The following VPS36 variants were observed in gnomAD, a reference collection of about 807,000 sequenced individuals.
VPS36 encodes the protein vacuolar protein sorting 36 homolog.
Under a neutral mutation model 63.5 loss-of-function variants are expected in VPS36, and 31 were observed. The ratio of observed to expected loss-of-function variants is 0.49; its 90% confidence interval spans 0.37 to 0.66. VPS36 has a LOEUF of 0.66. Among genes scored for constraint, VPS36 ranks in the 30% least tolerant of loss-of-function variants. The pLI, the probability that VPS36 is intolerant of heterozygous loss-of-function variation, is 0.00. For synonymous variants in VPS36, 138 were observed against 157.2 expected (o/e 0.88, Z 0.91); for missense variants, 338 against 463.7 (o/e 0.73, Z 2.49).
intron 2 of VPS36, among the ~76,000 whole-genome samples, chr13:52,441,246 A>C (rs542974037): frequency 6.6e-6 from 1 of 152,326 alleles, no homozygotes; most frequent in African/African-American, 2.4e-5. Flanking sequence ...AATGGTTAGC[A>C]GCCCTTCAAG....
rs75543299 is a variant in VPS36 at position 52,438,463 on chromosome 13, A to G, written c.236+635T>C. ...TTAACTTCTACTGAAGTGCCTAATT[A>G]TGCTAAACCTAAAGATAAGCCTACA... On this transcript the variant is annotated intron_variant, in intron 3 of 13. Transcript: ENST00000378060. Among the ~76,000 whole-genome samples the G allele has an allele frequency of 7.4e-3, 1,123 of 152,356 alleles. 6 individuals carry two copies. Among genetic ancestry groups the G allele is most frequent in the African/African-American group, 0.017 (701 of 41,596 alleles).
rs60013777 is a variant in VPS36, at chr13:52,417,251, T to G, written c.906-110A>C. On this transcript the variant is annotated intron_variant, in intron 11 of 13. Transcript: ENST00000378060. ...TTTATGCCCAGATATGAGGGCAATA[T>G]TAAACAAAACAACATTTAAAACATA... 1,129 of 833,654 alleles carry G rather than the reference T, an allele frequency of 1.4e-3. 15 individuals carry two copies. Among genetic ancestry groups the G allele is most frequent in the African/African-American group, 9.8e-3 (578 of 59,128 alleles). 51.6% of individuals were successfully genotyped at this position (833,654 alleles called of 1,614,324 possible). A position where few individuals can be genotyped will look rare whatever the true frequency, so the allele number is the denominator to read the frequency against.
In VPS36 at chr13:52,412,971, C is replaced by T. The variant is rs531294449; in HGVS notation, c.*2859G>A. The T allele has an allele frequency of 4.6e-5, 7 of 152,702 alleles. No individual in the cohort carries two copies. Among genetic ancestry groups the T allele is most frequent in the African/African-American group, 1.4e-4 (6 of 41,570 alleles). 9.5% of individuals were successfully genotyped at this position (152,702 alleles called of 1,614,324 possible). ...TTAATATAAGCATAATATATTCATACCTACATATCACTCCACAGGGATTTA... is the reference window on the plus strand; with the variant it reads ...TTAATATAAGCATAATATATTCATATCTACATATCACTCCACAGGGATTTA... On this transcript the variant is annotated 3_prime_UTR_variant, in exon 14 of 14. Coordinates refer to ENST00000378060, the MANE Select transcript of VPS36 (RefSeq NM_016075.4).
At chr13:52,442,650 A>T (rs1958292776) in intron 1 of VPS36, among the ~76,000 whole-genome samples, 1 of 152,236 alleles carries the variant, frequency 6.6e-6, no homozygotes, top group African/African-American at 2.4e-5. Flanking sequence ...AAAAAAATGC[A>T]AACAACAACC....
rs41292814 is a variant in VPS36 at position 52,415,555 on chromosome 13, A to G, written c.*275T>C. On this transcript the variant is annotated 3_prime_UTR_variant, in exon 14 of 14. Transcript: ENST00000378060. ...TATAAAATGATTAGATTTGAGGATC[A>G]AGTTAAAATCCACTATATTCCAAGT... The G allele has an allele frequency of 1.0e-2, 2,774 of 277,434 alleles. 33 individuals carry two copies. Among genetic ancestry groups the G allele is most frequent in the Non-Finnish European group, 0.014 (2,148 of 148,224 alleles). The allele number at this position is 277,434 out of a possible 1,614,324, so 17.2% of individuals were successfully genotyped here.
At chr13:52,430,597 A>G (rs561900519) in intron 6 of VPS36, among the ~76,000 whole-genome samples, 4 of 151,600 alleles carry the variant, frequency 2.6e-5, no homozygotes, top group Non-Finnish European at 5.9e-5. Flanking sequence ...GCGCCACTGC[A>G]CTCCAGCGTG....
At chr13:52,438,459 A>C (rs1411317635) in intron 3 of VPS36, among the ~76,000 whole-genome samples, 1 of 152,230 alleles carries the variant, frequency 6.6e-6, no homozygotes, top group Non-Finnish European at 1.5e-5. Flanking sequence ...TGAAGTGCCT[A>C]ATTATGCTAA....
chr13:52,434,232 T>A (rs922551417), intron 5 of VPS36, among the ~76,000 whole-genome samples: 2 of 152,252 alleles, frequency 1.3e-5, no homozygotes, highest in African/African-American at 4.8e-5. Flanking sequence ...ACACTGATTA[T>A]GAAGAACAGA....
Position 52,416,104 on chromosome 13 carries a change from C to A in VPS36, c.991-11G>T, listed in dbSNP as rs1172338539. 1 of 1,609,046 alleles carries A rather than the reference C, an allele frequency of 6.2e-7. No individual in the cohort carries two copies. Among genetic ancestry groups the A allele is most frequent in the South Asian group, 1.1e-5 (1 of 89,708 alleles). ...TCCCTTTTCTGAAACCTAATAGAAA[C>A]ACACAGCAGAAAAAAAATGTAATTA... On this transcript the variant is annotated splice_polypyrimidine_tract_variant and intron_variant, in intron 12 of 13. Coordinates refer to ENST00000378060, the MANE Select transcript of VPS36 (RefSeq NM_016075.4).
intron 8 of VPS36, 64 bp downstream of exon 8, chr13:52,426,925 C>A: frequency 3.6e-6 from 4 of 1,102,638 alleles, no homozygotes; most frequent in South Asian, 1.5e-5. Context: ...CAATGTAAAC[C>A]ACAAAAACCT....
intron 1 of VPS36, among the ~76,000 whole-genome samples, chr13:52,443,210 G>C (rs1958298629): frequency 6.6e-6 from 1 of 151,940 alleles, no homozygotes; most frequent in African/African-American, 2.4e-5. Flanking sequence ...AATTATAAAA[G>C]CACTCGAAAA....
At chr13:52,423,183 A>G (rs1958062787) in intron 10 of VPS36, among the ~76,000 whole-genome samples, 1 of 152,210 alleles carries the variant, frequency 6.6e-6, no homozygotes, top group African/African-American at 2.4e-5. Flanking sequence ...CAGCGTGAAA[A>G]TGGACTAATA....
rs1957966235 is a variant in VPS36 at position 52,413,558 on chromosome 13, T to C, written c.*2272A>G. The C allele has an allele frequency of 6.6e-6, 1 of 152,198 alleles. No individual in the cohort carries two copies. The highest frequency in any genetic ancestry group is 2.1e-4 in the South Asian group (1 of 4,836). 9.4% of individuals were successfully genotyped at this position (152,198 alleles called of 1,614,324 possible). Reference sequence around the variant, plus strand: ...TTTACTCTATATACATTGATACCAATCATTTAACCCTGAAAACACAGTCTT... The same window carrying C: ...TTTACTCTATATACATTGATACCAACCATTTAACCCTGAAAACACAGTCTT... On this transcript the variant is annotated 3_prime_UTR_variant, in exon 14 of 14. Transcript: ENST00000378060.
rs1017054406 is a variant in VPS36, at chr13:52,415,656, G to A, written c.*174C>T. Reference sequence around the variant, plus strand: ...TTCACTTTTCTGAATTTTCCTATGCGTATACTAAATAAATTTCCTGGACCA... The same window carrying A: ...TTCACTTTTCTGAATTTTCCTATGCATATACTAAATAAATTTCCTGGACCA... On this transcript the variant is annotated 3_prime_UTR_variant, in exon 14 of 14. Coordinates refer to ENST00000378060, the MANE Select transcript of VPS36 (RefSeq NM_016075.4). The A allele has an allele frequency of 3.8e-5, 25 of 664,940 alleles. No homozygotes were observed. Among genetic ancestry groups the A allele is most frequent in the African/African-American group, 3.6e-5 (2 of 54,928 alleles). 41.2% of individuals were successfully genotyped at this position (664,940 alleles called of 1,614,324 possible).
rs1958110883 is a variant in VPS36 at position 52,427,218 on chromosome 13, G to T, written c.530C>A (p.Ala177Asp). ...RKETDKNISE[A>D]FEDLSKLMIK... ...CATTAGTTTGCTGAGGTCTTCAAAG[G>T]CCTGAAATGAGAAATGAATTTTGGT... Residue 177 changes from alanine (A) to aspartate (D), a missense_variant and splice_region_variant, in exon 7 of 14, where the codon GCC becomes GAC. Physicochemically the swap from Ala to Asp is moderately radical, Grantham distance 126 (BLOSUM62 -2). Transcript: ENST00000378060. The T allele has an allele frequency of 1.2e-6, 2 of 1,612,990 alleles. No individual in the cohort carries two copies. Among genetic ancestry groups the T allele is most frequent in the Admixed American group, 1.7e-5 (1 of 59,898 alleles).
Position 52,427,187 on chromosome 13 carries a change from C to G in VPS36, c.561G>C (p.Lys187Asn). The change falls in exon 7 of 14, where the codon AAG becomes AAC. Residue 187 changes from lysine to asparagine, a missense_variant and splice_region_variant. By Grantham distance (94) the Lys-to-Asn change is moderately conservative. Transcript: ENST00000378060. ...AFEDLSKLMI[K>N]AKEMVELSKS... ...TTTAATAGGCATAAATGACATATAC[C>G]TTGATCATTAGTTTGCTGAGGTCTT... 6.2e-7 allele frequency: 1 copy of G among 1,613,050 alleles called. No homozygotes were observed.
chr13:52,439,930 A>G (rs1048104584), intron 2 of VPS36, among the ~76,000 whole-genome samples: 1 of 152,142 alleles, frequency 6.6e-6, no homozygotes, highest in Non-Finnish European at 1.5e-5. Context: ...TACAATTATT[A>G]ACAGTTTTAA....
At chr13:52,443,136 T>C (rs992613823) in intron 1 of VPS36, among the ~76,000 whole-genome samples, 2 of 152,168 alleles carry the variant, frequency 1.3e-5, no homozygotes, top group African/African-American at 4.8e-5. Flanking sequence ...TCTGGATTTA[T>C]ACCTAATACA....
In VPS36 at chr13:52,439,121, T is replaced by C. The variant is rs1249002258; in HGVS notation, c.213A>G (p.Glu71=). 6.2e-7 allele frequency: 1 copy of C among 1,613,920 alleles called. No individual in the cohort carries two copies. ...ACCTCTTCCCAATTCCAGCCGCCTG[T>C]TCTTCAATGAACACAATTTGGGAAA... ...ILLSQIVFIE[E]QAAGIGKSAK... Residue 71 remains glutamate, a synonymous_variant, in exon 3 of 14, where the codon GAA becomes GAG. Coordinates refer to ENST00000378060, the MANE Select transcript of VPS36 (RefSeq NM_016075.4).
Sources: allele counts gnomAD v4.1 joint callset (sites outside exome capture counted in the v4.1 genomes callset), GRCh38; gene constraint gnomAD v4.1.1; transcripts MANE v1.5; gene names NCBI Gene and HGNC (gene_info 2026-07-23, HGNC 2026-07-21).